Variants in MTHFD1L observed in about 807,000 individuals in gnomAD.
The protein encoded by MTHFD1L is monofunctional C1-tetrahydrofolate synthase, mitochondrial.
In MTHFD1L, 81 loss-of-function variants were observed where a neutral mutation model predicts 119.5. The ratio of observed to expected loss-of-function variants is 0.68; its 90% CI spans 0.57 to 0.82. MTHFD1L has a LOEUF of 0.82. Ranked by LOEUF, MTHFD1L falls within the 40% of genes least tolerant of loss-of-function variation. MTHFD1L has a pLI of 0.00. For synonymous variants in MTHFD1L, 430 were observed against 475.2 expected (o/e 0.90, Z 1.24); for missense variants, 1,125 against 1,253.4 (o/e 0.90, Z 1.55).
intron 4 of MTHFD1L, among the ~76,000 whole-genome samples, chr6:150,878,899 C>T (rs566349237): frequency 6.6e-6 from 1 of 152,174 alleles, no homozygotes; most frequent in East Asian, 1.9e-4. Context: ...TCACAGGGCT[C>T]AGGTAAAGTT....
chr6:150,879,223 A>G lies in MTHFD1L; in HGVS notation c.417+1397A>G, dbSNP rs150705274. Among the ~76,000 whole-genome samples the G allele has an allele frequency of 1.8e-3, 277 of 152,352 alleles. 1 individual carries two copies. The highest frequency in any genetic ancestry group is 6.4e-3 in the African/African-American group (266 of 41,594). On this transcript the variant is annotated intron_variant, in intron 4 of 27. Coordinates refer to ENST00000367321, the MANE Select transcript of MTHFD1L (RefSeq NM_015440.5). The stretch of plus-strand genomic sequence containing the variant: ...ATATGTAACAAATACCTATGATACC[A>G]GCAGTGACAGCATGCAAAGGAAGTT...
chr6:151,025,477 G>A (rs889365923), intron 24 of MTHFD1L, among the ~76,000 whole-genome samples: 3 of 152,212 alleles, frequency 2.0e-5, no homozygotes, highest in African/African-American at 7.2e-5. Context: ...GTACAGGAAA[G>A]GCTGCTTGCC....
intron 26 of MTHFD1L, among the ~76,000 whole-genome samples, chr6:151,052,082 G>C (rs1218065576): frequency 6.6e-6 from 1 of 152,222 alleles, no homozygotes; most frequent in African/African-American, 2.4e-5. Flanking sequence ...GTCCAGGTGA[G>C]TCCTGGGGAC....
At chr6:150,923,202 T>G (rs1789298812) in intron 10 of MTHFD1L, among the ~76,000 whole-genome samples, 1 of 152,146 alleles carries the variant, frequency 6.6e-6, no homozygotes, top group East Asian at 1.9e-4. Context: ...AAGGTGGATA[T>G]TTTCCTCAGA....
chr6:150,966,949 G>T (rs907510596), intron 19 of MTHFD1L, among the ~76,000 whole-genome samples: 1 of 152,222 alleles, frequency 6.6e-6, no homozygotes, highest in Non-Finnish European at 1.5e-5. Context: ...GGTGTCTGCA[G>T]CCCCGGGGGA....
chr6:151,062,828 CATATATAT>C (rs34593749), intron 26 of MTHFD1L, among the ~76,000 whole-genome samples: 1 of 149,722 alleles, frequency 6.7e-6, no homozygotes, highest in Non-Finnish European at 1.5e-5. Flanking sequence ...ACAAGACAGC[CATATATAT>C]ATATATATAC....
At chr6:150,963,964 G>A (rs993887730) in intron 18 of MTHFD1L, among the ~76,000 whole-genome samples, 1 of 152,100 alleles carries the variant, frequency 6.6e-6, no homozygotes, top group African/African-American at 2.4e-5. Flanking sequence ...TCAGGAGTTC[G>A]CGACCAGCCT....
At chr6:150,966,939 G>A (rs1436297878) in intron 19 of MTHFD1L, among the ~76,000 whole-genome samples, 1 of 152,216 alleles carries the variant, frequency 6.6e-6, no homozygotes, top group Non-Finnish European at 1.5e-5. Context: ...CCTTTGAACA[G>A]GTGTCTGCAG....
intron 24 of MTHFD1L, among the ~76,000 whole-genome samples, chr6:151,020,280 G>T (rs1350979001): frequency 1.3e-5 from 2 of 152,212 alleles, no homozygotes; most frequent in Non-Finnish European, 2.9e-5. Flanking sequence ...AGTAGAAATT[G>T]TCTCGGAACC....
chr6:150,916,292 C>CG (rs1208166811), intron 8 of MTHFD1L, among the ~76,000 whole-genome samples: 34 of 40,014 alleles, frequency 8.5e-4, no homozygotes, highest in African/African-American at 3.2e-3. Flanking sequence ...AAGGTAGAAT[C>CG]TTTTTTTTTT....
chr6:150,876,071 G>T lies in MTHFD1L; in HGVS notation c.228-19G>T, dbSNP rs766172912. ...TCATTAACCAAGAAATCACAATGTT[G>T]TTTTCTTTCTCAATGTAGAGAAGTC... On this transcript the variant is annotated intron_variant, in intron 1 of 27. Transcript: ENST00000367321. The T allele has an allele frequency of 6.4e-7, 1 of 1,556,384 alleles. No homozygotes were observed. Among genetic ancestry groups the T allele is most frequent in the Non-Finnish European group, 8.8e-7 (1 of 1,132,534 alleles).
At position 151,037,116 on chromosome 6, in the gene MTHFD1L, C is replaced by T. The variant is rs766004107; in HGVS notation, c.2846C>T (p.Thr949Met). 503 of 1,611,798 alleles carry T rather than the reference C, an allele frequency of 3.1e-4. No individual in the cohort carries two copies. The highest frequency in any genetic ancestry group is 6.5e-4 in the Admixed American group (39 of 59,986). ...GAGFIYPLVG[T>M]MSTMPGLPTR... ...GGGTTCATTTACCCTTTGGTCGGAA[C>T]GGTGAGTGAGTCACATTTTCCAAAA... The change falls in exon 26 of 28, where the codon ACG (threonine) becomes ATG (methionine). Residue 949 changes from threonine (T) to methionine (M), a missense_variant and splice_region_variant. Around this residue, in one of 3 missense-constraint regions of MTHFD1L, gnomAD observed 61 missense variants for 78.9 expected, o/e 0.77. Coordinates refer to ENST00000367321, the MANE Select transcript of MTHFD1L (RefSeq NM_015440.5).
chr6:151,023,583 T>C (rs575493997), intron 24 of MTHFD1L, among the ~76,000 whole-genome samples: 5 of 152,308 alleles, frequency 3.3e-5, no homozygotes, highest in African/African-American at 1.2e-4. Flanking sequence ...CTCATCCCTG[T>C]GATTCTGGCA....
chr6:151,031,407 C>G (rs1469177595), intron 24 of MTHFD1L, among the ~76,000 whole-genome samples: 12 of 152,204 alleles, frequency 7.9e-5, no homozygotes, highest in Non-Finnish European at 1.5e-5. Flanking sequence ...CACAGTCAGG[C>G]CCCAGTGAAT....
At chr6:151,050,621 T>G (rs902838482) in intron 26 of MTHFD1L, among the ~76,000 whole-genome samples, 1 of 152,066 alleles carries the variant, frequency 6.6e-6, no homozygotes. Flanking sequence ...TTGCGACTGG[T>G]ATGGTGGGGG....
At chr6:151,009,714 A>G in intron 20 of MTHFD1L, 105 bp from the exon 21 acceptor site, 1 of 1,290,964 alleles carries the variant, frequency 7.7e-7, no homozygotes, top group South Asian at 1.3e-5. Flanking sequence ...TTGGTAAACA[A>G]AAGGAATGTA....
At chr6:150,963,556 A>G (rs1410034786) in intron 18 of MTHFD1L, among the ~76,000 whole-genome samples, 1 of 152,268 alleles carries the variant, frequency 6.6e-6, no homozygotes, top group Non-Finnish European at 1.5e-5. Flanking sequence ...AAATGATTAA[A>G]TATTATAAAA....
chr6:151,023,295 C>T (rs1167047376), intron 24 of MTHFD1L, among the ~76,000 whole-genome samples: 1 of 152,132 alleles, frequency 6.6e-6, no homozygotes, highest in East Asian at 1.9e-4. Context: ...GATCTGTCCT[C>T]CTCAGCCTCC....
In MTHFD1L at chr6:150,936,815, C is replaced by A; in HGVS notation, c.1268C>A (p.Thr423Asn). 6.2e-7 allele frequency: 1 copy of A among 1,613,694 alleles called. No homozygotes were observed. The highest frequency in any genetic ancestry group is 8.5e-7 in the Non-Finnish European group (1 of 1,179,694). ...KYVLVAGITP[T>N]PLGEGKSTVT... ...CCCCCCGAACTCAGGATCACACCCA[C>A]CCCTCTTGGAGAAGGGAAGAGCACA... is the stretch of plus-strand genomic sequence containing the variant. The change falls in exon 12 of 28, where the codon ACC becomes AAC. Residue 423 changes from threonine to asparagine, a missense_variant. Physicochemically the swap from Thr to Asn is moderately conservative, Grantham distance 65. Transcript: ENST00000367321.
Sources: gnomAD v4.1 joint callset for allele counts (sites outside exome capture counted in the v4.1 genomes callset) on GRCh38, gnomAD v4.1.1 for gene constraint, gnomAD v4.1.1 regional missense constraint, MANE v1.5 for transcripts, NCBI Gene and HGNC (gene_info 2026-07-23, HGNC 2026-07-21) for gene names.